MAML1: variants seen among roughly 807,000 people sequenced by gnomAD.
MAML1 encodes the protein mastermind-like protein 1.
A neutral mutation model predicts 77.1 loss-of-function variants in MAML1; 14 were observed. That is an observed-to-expected ratio of 0.18 (90% CI 0.12 to 0.28). MAML1 has a LOEUF of 0.28. Among genes scored for constraint, MAML1 ranks in the 10% least tolerant of loss-of-function variants. The probability of loss-of-function intolerance (pLI) is 1.00; values close to 1 mark genes in which losing one functional copy is unlikely to be tolerated. For synonymous variants in MAML1, 516 were observed against 551.9 expected, an observed-to-expected ratio of 0.93 and a Z score of 0.91; for missense variants, 1,217 against 1,327.8, an observed-to-expected ratio of 0.92 and a Z score of 1.30.
At chr5:179,740,046 G>GT (rs1420454829) in intron 1 of MAML1, among the ~76,000 whole-genome samples, 1 of 152,212 alleles carries the variant, frequency 6.6e-6, no homozygotes, top group Non-Finnish European at 1.5e-5. Flanking sequence ...CTAAATGACA[G>GT]TCGTAGCTTA....
rs1169121995 is a variant in MAML1, at chr5:179,765,851, C to T, written c.841C>T (p.Pro281Ser). ...FNEDFEEKKD[P>S]ESSGSATQTP... Reference sequence around the variant, plus strand: ...TGAGGACTTCGAGGAGAAGAAGGACCCAGAGTCTTCTGGCTCTGCCACACA... The same window carrying T: ...TGAGGACTTCGAGGAGAAGAAGGACTCAGAGTCTTCTGGCTCTGCCACACA... The change falls in exon 2 of 5, where the codon CCA becomes TCA. Residue 281 changes from proline to serine, a missense_variant. Physicochemically the swap from Pro to Ser is moderately conservative, Grantham distance 74 (BLOSUM62 -1). Transcript: ENST00000292599. The T allele has an allele frequency of 3.1e-6, 5 of 1,614,004 alleles. No individual in the cohort carries two copies. The highest frequency in any genetic ancestry group is 4.2e-6 in the Non-Finnish European group (5 of 1,180,020).
In MAML1 at chr5:179,767,542, AAAAAG is replaced by A. The variant is rs1779844592; in HGVS notation, c.1731+802_1731+806del. On this transcript the variant is annotated intron_variant, in intron 2 of 4. Transcript: ENST00000292599. ...CTAAAGAAATAATCCAAAATAAAAG[AAAAAG>A]TTATATCCAAGATATTCATTGTGTG... 6.3e-5 allele frequency among the ~76,000 whole-genome samples: 3 copies of A among 47,576 alleles called. No individual in the cohort carries two copies. The Admixed American group carries it at 1.0e-3, about 17-fold the overall frequency. 31.2% of individuals were successfully genotyped at this position (47,576 alleles called of 152,430 possible).
intron 1 of MAML1, among the ~76,000 whole-genome samples, chr5:179,754,483 A>G (rs1443376101): frequency 6.6e-6 from 1 of 152,042 alleles, no homozygotes; most frequent in Non-Finnish European, 1.5e-5. Context: ...AGTGCTAGCT[A>G]CTGGGGAGAC....
chr5:179,760,239 G>T (rs370685569), intron 1 of MAML1, among the ~76,000 whole-genome samples: 17 of 152,012 alleles, frequency 1.1e-4, no homozygotes, highest in African/African-American at 3.6e-4. Context: ...TCTCTGCTTG[G>T]CATTCTAGTG....
intron 1 of MAML1, among the ~76,000 whole-genome samples, chr5:179,752,263 T>C (rs1779503485): frequency 1.5e-5 from 2 of 134,824 alleles, no homozygotes; most frequent in South Asian, 2.4e-4. Context: ...GAGGTGGAGG[T>C]TGCAGTGAGC....
intron 1 of MAML1, among the ~76,000 whole-genome samples, chr5:179,735,599 C>T (rs1779150796): frequency 6.6e-6 from 1 of 152,084 alleles, no homozygotes; most frequent in Non-Finnish European, 1.5e-5. Context: ...CCATGTTGAC[C>T]AGGCTGGTCT....
At chr5:179,734,724 C>T (rs2113326610) in intron 1 of MAML1, among the ~76,000 whole-genome samples, 1 of 152,318 alleles carries the variant, frequency 6.6e-6, no homozygotes, top group East Asian at 1.9e-4. Flanking sequence ...CTCAACCTTC[C>T]TGGCTCAAGA....
intron 1 of MAML1, among the ~76,000 whole-genome samples, chr5:179,734,634 G>A (rs569303874): frequency 3.3e-5 from 5 of 151,930 alleles, no homozygotes; most frequent in African/African-American, 1.2e-4. Context: ...GCTTATTATC[G>A]CCCCGTGTTC....
chr5:179,736,854 G>A (rs188686250), intron 1 of MAML1, among the ~76,000 whole-genome samples: 10 of 151,862 alleles, frequency 6.6e-5, no homozygotes, highest in Non-Finnish European at 1.3e-4. Context: ...CCAGCTACAC[G>A]GGAGGCTGAG....
At position 179,769,932 on chromosome 5, in the gene MAML1, T is replaced by G. The variant is rs1344471744; in HGVS notation, c.1971+843T>G. Among the ~76,000 whole-genome samples the G allele has an allele frequency of 6.6e-6, 1 of 152,206 alleles. No individual in the cohort carries two copies. The highest frequency in any genetic ancestry group is 1.5e-5 in the Non-Finnish European group (1 of 68,038). ...GGACAATCCCTGCCTCAGTTCTGCC[T>G]TTAAGAAAAGCAGCTTTATTGTGAT... On this transcript the variant is annotated intron_variant, in intron 3 of 4. Transcript: ENST00000292599. The surrounding 1 kb of genome is among the most constrained non-coding windows in gnomAD (Gnocchi z 4.2).
rs748544936 is a variant in MAML1 at position 179,774,916 on chromosome 5, A to C, written c.*39A>C. ...AGTGTTTTTAGTGTTCATTCATCCT[A>C]TATTTTTATTCTCAGATTCAAAGAA... is the stretch of plus-strand genomic sequence containing the variant. On this transcript the variant is annotated 3_prime_UTR_variant, in exon 5 of 5. Coordinates refer to ENST00000292599, the MANE Select transcript of MAML1 (RefSeq NM_014757.5). 1 of 1,535,482 alleles carries C rather than the reference A, an allele frequency of 6.5e-7. No individual in the cohort carries two copies. The highest frequency in any genetic ancestry group is 8.8e-7 in the Non-Finnish European group (1 of 1,142,310).
chr5:179,741,260 G>A (rs1375138886), intron 1 of MAML1, among the ~76,000 whole-genome samples: 1 of 152,226 alleles, frequency 6.6e-6, no homozygotes, highest in Non-Finnish European at 1.5e-5. Context: ...GGTAGATGGT[G>A]AACCTGTATC....
chr5:179,733,302 A>C lies in MAML1; in HGVS notation c.190A>C (p.Ile64Leu). Residue 64 changes from isoleucine to leucine, a missense_variant, in exon 1 of 5, where the codon ATC (isoleucine) becomes CTC (leucine). This residue lies in a region of MAML1 where 312 missense variants were observed against 331.4 expected (regional missense o/e 0.94). Coordinates refer to ENST00000292599, the MANE Select transcript of MAML1 (RefSeq NM_014757.5). ...CACCTTCGCCCTGCACCAGCGCTGC[A>C]TCCAGGCCAAGGCCAAGCGCGCCGG... The part of the protein sequence containing the change: ...QHTFALHQRC[I>L]QAKAKRAGKH... The C allele has an allele frequency of 6.9e-7, 1 of 1,438,988 alleles. No homozygotes were observed. Among genetic ancestry groups the C allele is most frequent in the East Asian group, 3.2e-5 (1 of 30,992 alleles). The allele number at this position is 1,438,988 out of a possible 1,614,324, so 89.1% of individuals were successfully genotyped here. A position where few individuals can be genotyped will look rare whatever the true frequency, so the allele number is the denominator to read the frequency against.
chr5:179,746,066 T>G (rs9800237), intron 1 of MAML1, among the ~76,000 whole-genome samples: 116,328 of 150,070 alleles, frequency 0.78, 45,849 homozygotes, highest in Non-Finnish European at 0.86. Context: ...AAAAATGGCT[T>G]GGCACGGTGG....
chr5:179,775,106 T>C lies in MAML1; in HGVS notation c.*229T>C. On this transcript the variant is annotated 3_prime_UTR_variant, in exon 5 of 5. Transcript: ENST00000292599. ...CAGCCCATCTGCTGGCATCAGTACC[T>C]GGTGTTGGGACAGCAGGATAGGGTT... 1 of 1,336,150 alleles carries C rather than the reference T, an allele frequency of 7.5e-7. No individual in the cohort carries two copies. Among genetic ancestry groups the C allele is most frequent in the East Asian group, 2.9e-5 (1 of 34,542 alleles). The allele number at this position is 1,336,150 out of a possible 1,614,324, so 82.8% of individuals were successfully genotyped here. A position where few individuals can be genotyped will look rare whatever the true frequency, so the allele number is the denominator to read the frequency against.
rs551756317 is a variant in MAML1, at chr5:179,769,783, C to T, written c.1971+694C>T. Among the ~76,000 whole-genome samples the T allele has an allele frequency of 2.0e-5, 3 of 152,150 alleles. No individual in the cohort carries two copies. The highest frequency in any genetic ancestry group is 1.3e-4 in the Admixed American group (2 of 15,292). ...GGCCAGGCTGGTCTTGAGCTCCTGA[C>T]CTCAAGTGATCCACTCATCTCGGCC... On this transcript the variant is annotated intron_variant, in intron 3 of 4. Transcript: ENST00000292599. The surrounding 1 kb of genome is among the most constrained non-coding windows in gnomAD (Gnocchi z 4.2).
intron 1 of MAML1, among the ~76,000 whole-genome samples, chr5:179,745,709 A>C (rs181214061): frequency 0.022 from 3,406 of 151,780 alleles, 154 homozygotes; most frequent in African/African-American, 0.079. Flanking sequence ...AAATACAAAA[A>C]ATTAGCCAGG....
chr5:179,765,994 G>T lies in MAML1; in HGVS notation c.984G>T (p.Gly328=), dbSNP rs916283309. Residue 328 remains glycine, a synonymous_variant, in exon 2 of 5, where the codon GGG becomes GGT. Transcript: ENST00000292599. ...GGTCTGCAGGGCAGACCTTTCTGGG[G>T]CCTTCCTCTGCCCCTGTGAGTACAG... ...RAGSAGQTFL[G]PSSAPVSTDS... The T allele has an allele frequency of 1.9e-6, 3 of 1,609,066 alleles. No individual in the cohort carries two copies. Among genetic ancestry groups the T allele is most frequent in the Non-Finnish European group, 2.5e-6 (3 of 1,178,082 alleles).
intron 4 of MAML1, chr5:179,773,690 G>C: frequency 6.3e-6 from 6 of 959,642 alleles, no homozygotes; most frequent in Non-Finnish European, 7.4e-6. Flanking sequence ...CTGGGGCTTT[G>C]CCCTTCCTCT....
Sources: allele counts gnomAD v4.1 joint callset (sites outside exome capture counted in the v4.1 genomes callset), GRCh38; gene constraint gnomAD v4.1.1; regional missense constraint gnomAD v4.1.1; non-coding constraint Gnocchi (gnomAD v3.1); transcripts MANE v1.5; gene names NCBI Gene and HGNC (gene_info 2026-07-23, HGNC 2026-07-21).